GASK1B: variants seen among roughly 807,000 people sequenced by gnomAD.
The protein encoded by GASK1B is Golgi-associated kinase 1B.
A neutral mutation model predicts 42.8 loss-of-function variants in GASK1B; 34 were observed. The ratio of observed to expected loss-of-function variants is 0.79; its 90% CI spans 0.60 to 1.06. The LOEUF is 1.06. Ranked by LOEUF, GASK1B falls within the 50% of genes least tolerant of loss-of-function variation. GASK1B has a pLI of 0.00. For synonymous variants in GASK1B, 262 were observed against 259.1 expected, an observed-to-expected ratio of 1.01 and a Z score of -0.11; for missense variants, 686 against 661.0, an observed-to-expected ratio of 1.04 and a Z score of -0.42.
At chr4:158,160,207 T>C (rs973584564) in intron 2 of GASK1B, among the ~76,000 whole-genome samples, 2 of 152,100 alleles carry the variant, frequency 1.3e-5, no homozygotes, top group South Asian at 4.1e-4. Flanking sequence ...TTGGGCCCCA[T>C]CACAACTGTC....
intron 3 of GASK1B, among the ~76,000 whole-genome samples, chr4:158,151,349 C>A (rs1308768925): frequency 6.6e-6 from 1 of 152,120 alleles, no homozygotes; most frequent in Non-Finnish European, 1.5e-5. Context: ...ACCATTGAAA[C>A]ACAGTATGGA....
chr4:158,155,510 C>T (rs1168624547), intron 3 of GASK1B, 101 bp downstream of exon 3: 2 of 1,021,840 alleles, frequency 2.0e-6, no homozygotes, highest in African/African-American at 1.6e-5. Flanking sequence ...AAGTTATCAC[C>T]AGCTTCATAA....
At chr4:158,152,803 A>G (rs1280528001) in intron 3 of GASK1B, among the ~76,000 whole-genome samples, 1 of 152,180 alleles carries the variant, frequency 6.6e-6, no homozygotes, top group Non-Finnish European at 1.5e-5. Flanking sequence ...TCCAGCATCC[A>G]TTTATGATTA....
rs1732512860 is a variant in GASK1B, at chr4:158,171,178, A to G, written c.198T>C (p.Ala66=). The change falls in exon 2 of 5, where the codon GCT becomes GCC. Residue 66 remains alanine (A), a synonymous_variant. Coordinates refer to ENST00000585682, the MANE Select transcript of GASK1B (RefSeq NM_001128424.2). ...CGCGGCTGCGATGTGGCCCCTTCTCAGCCGCCTGTCCATGCTGGAGAGAGG... is the reference window on the plus strand; with the variant it reads ...CGCGGCTGCGATGTGGCCCCTTCTCGGCCGCCTGTCCATGCTGGAGAGAGG... ...GRASLQHGQA[A]EKGPHRSRDT... 6.2e-7 allele frequency: 1 copy of G among 1,612,332 alleles called. No homozygotes were observed. The highest frequency in any genetic ancestry group is 8.5e-7 in the Non-Finnish European group (1 of 1,178,898).
intron 3 of GASK1B, among the ~76,000 whole-genome samples, chr4:158,149,462 A>T (rs1054716388): frequency 6.6e-6 from 1 of 152,216 alleles, no homozygotes; most frequent in African/African-American, 2.4e-5. Flanking sequence ...GAATTAAAAT[A>T]CATGTCACTA....
chr4:158,139,853 G>A lies in GASK1B; in HGVS notation c.1126-8841C>T, dbSNP rs570316595. ...CACAATTCAAACAATTACATAAGTGGTTTCCTCAAGACAACCATTGCACTA... is the reference window on the plus strand; with the variant it reads ...CACAATTCAAACAATTACATAAGTGATTTCCTCAAGACAACCATTGCACTA... On this transcript the variant is annotated intron_variant, in intron 3 of 4. Coordinates refer to ENST00000585682, the MANE Select transcript of GASK1B (RefSeq NM_001128424.2). Among the ~76,000 whole-genome samples, 369 of 152,270 alleles carry A rather than the reference G, an allele frequency of 2.4e-3. 9 individuals carry two copies. The South Asian group carries it at 0.045, about 18-fold the overall frequency.
chr4:158,165,152 G>A (rs1732177709), intron 2 of GASK1B, among the ~76,000 whole-genome samples: 2 of 152,318 alleles, frequency 1.3e-5, no homozygotes, highest in Middle Eastern at 3.4e-3. Context: ...ATGCTTAAAT[G>A]CTACCAAAAT....
rs147919200 is a variant in GASK1B at position 158,155,112 on chromosome 4, G to T, written c.1125+499C>A. Reference sequence around the variant, plus strand: ...GCCTCCTTATACATTCTTCCCTTTGGAATTCAGGCACAGTTGACCGGCATT... The same window carrying T: ...GCCTCCTTATACATTCTTCCCTTTGTAATTCAGGCACAGTTGACCGGCATT... On this transcript the variant is annotated intron_variant, in intron 3 of 4. Coordinates refer to ENST00000585682, the MANE Select transcript of GASK1B (RefSeq NM_001128424.2). 1.7e-3 allele frequency among the ~76,000 whole-genome samples: 254 copies of T among 152,226 alleles called. 1 individual carries two copies. Among genetic ancestry groups the T allele is most frequent in the Non-Finnish European group, 2.9e-3 (195 of 68,004 alleles).
At chr4:158,141,914 T>C (rs1438479235) in intron 3 of GASK1B, among the ~76,000 whole-genome samples, 1 of 105,396 alleles carries the variant, frequency 9.5e-6, no homozygotes, top group African/African-American at 3.4e-5. Flanking sequence ...GCCGATGTTG[T>C]GGTTTCTTTT....
intron 2 of GASK1B, among the ~76,000 whole-genome samples, chr4:158,159,166 C>G (rs979312023): frequency 6.6e-6 from 1 of 152,262 alleles, no homozygotes; most frequent in South Asian, 2.1e-4. Flanking sequence ...TGCCAACTAT[C>G]GCATAAAGAC....
rs1169563980 is a variant in GASK1B at position 158,170,656 on chromosome 4, A to G, written c.720T>C (p.Ser240=). The G allele has an allele frequency of 1.2e-6, 2 of 1,614,064 alleles. No homozygotes were observed. The highest frequency in any genetic ancestry group is 1.1e-5 in the South Asian group (1 of 91,088). ...SAVAGLRPVS[S]RSGARLLVLE... Reference sequence around the variant, plus strand: ...GCACCAGCAAACGGGCTCCGCTCCTAGAGGACACAGGCCGGAGCCCTGCCA... The same window carrying G: ...GCACCAGCAAACGGGCTCCGCTCCTGGAGGACACAGGCCGGAGCCCTGCCA... The change falls in exon 2 of 5, where the codon TCT becomes TCC. Residue 240 remains serine (S), a synonymous_variant. Coordinates refer to ENST00000585682, the MANE Select transcript of GASK1B (RefSeq NM_001128424.2).
Position 158,171,258 on chromosome 4 carries a change from G to T in GASK1B, c.118C>A (p.Leu40Met). ...RRPRTRRNLL[L>M]GTACAIYLGF... ...AAGTAGATGGCACACGCAGTGCCCA[G>T]CAGAAGGTTTCTCCGGGTCCTTGGA... The change falls in exon 2 of 5, where the codon CTG becomes ATG. Residue 40 changes from leucine to methionine, a missense_variant. Transcript: ENST00000585682. 6.2e-7 allele frequency: 1 copy of T among 1,614,038 alleles called. No homozygotes were observed.
chr4:158,154,230 C>T (rs1401352840), intron 3 of GASK1B, among the ~76,000 whole-genome samples: 2 of 150,138 alleles, frequency 1.3e-5, no homozygotes, highest in Non-Finnish European at 3.0e-5. Context: ...AGATAATTCT[C>T]ATAAGATATA....
chr4:158,155,507 C>T lies in GASK1B; in HGVS notation c.1125+104G>A, dbSNP rs1020852408. ...TTTGCACCAAGCTAATAGAAGTTAT[C>T]ACCAGCTTCATAAAAACTCCAGGTG... On this transcript the variant is annotated intron_variant, in intron 3 of 4. Transcript: ENST00000585682. 5.0e-6 allele frequency: 5 copies of T among 994,288 alleles called. No individual in the cohort carries two copies. The African/African-American group carries it at 6.5e-5, about 13-fold the overall frequency. 61.6% of individuals were successfully genotyped at this position (994,288 alleles called of 1,614,324 possible). A position where few individuals can be genotyped will look rare whatever the true frequency, so the allele number is the denominator to read the frequency against.
intron 3 of GASK1B, among the ~76,000 whole-genome samples, chr4:158,145,796 C>T (rs1449259562): frequency 6.6e-6 from 1 of 152,154 alleles, no homozygotes; most frequent in African/African-American, 2.4e-5. Context: ...CAGATAAGAG[C>T]TCAGAAAAGT....
intron 2 of GASK1B, among the ~76,000 whole-genome samples, chr4:158,164,993 G>A (rs1489915857): frequency 6.6e-6 from 1 of 152,226 alleles, no homozygotes; most frequent in African/African-American, 2.4e-5. Context: ...TGGGGTGCCT[G>A]CAGTTTGTCA....
chr4:158,131,733 G>T (rs1429702437), intron 3 of GASK1B, among the ~76,000 whole-genome samples: 1 of 152,142 alleles, frequency 6.6e-6, no homozygotes, highest in Non-Finnish European at 1.5e-5. Flanking sequence ...TATGAATCAG[G>T]TAAAATAAAG....
At chr4:158,162,443 G>A (rs1732056703) in intron 2 of GASK1B, among the ~76,000 whole-genome samples, 2 of 152,102 alleles carry the variant, frequency 1.3e-5, no homozygotes, top group Admixed American at 6.5e-5. Flanking sequence ...CAATGTTCAT[G>A]GATAGCTCTT....
In GASK1B at chr4:158,140,546, A is replaced by C. The variant is rs151268631; in HGVS notation, c.1126-9534T>G. On this transcript the variant is annotated intron_variant, in intron 3 of 4. Transcript: ENST00000585682. ...CAGATGTTCCTATGAAAACACTATC[A>C]CGTTCATTTTTCCAAAACTGTTATA... is the stretch of plus-strand genomic sequence containing the variant. 2.0e-4 allele frequency among the ~76,000 whole-genome samples: 31 copies of C among 152,286 alleles called. 1 individual carries two copies. The East Asian group carries it at 5.2e-3, about 26-fold the overall frequency.
Sources: gnomAD v4.1 joint callset for allele counts (sites outside exome capture counted in the v4.1 genomes callset) on GRCh38, gnomAD v4.1.1 for gene constraint, MANE v1.5 for transcripts, NCBI Gene and HGNC (gene_info 2026-07-23, HGNC 2026-07-21) for gene names.